Variants in UTRN observed in about 807,000 individuals in gnomAD.
The protein encoded by UTRN is utrophin.
UTRN carries 283 observed loss-of-function variants against 463.9 expected under a neutral mutation model. The observed-to-expected ratio is 0.61, with a 90% CI of 0.55 to 0.67. The LOEUF (loss-of-function observed/expected upper bound fraction) is 0.67. Ranked by LOEUF, UTRN falls within the 30% of genes least tolerant of loss-of-function variation. The pLI is 0.00. For synonymous variants in UTRN, 1,442 were observed against 1,431.5 expected, an observed-to-expected ratio of 1.01 and a Z score of -0.17; for missense variants, 3,922 against 4,084.3, an observed-to-expected ratio of 0.96 and a Z score of 1.08.
At chr6:144,648,265 T>A (rs1288474945) in intron 51 of UTRN, among the ~76,000 whole-genome samples, 1 of 152,196 alleles carries the variant, frequency 6.6e-6, no homozygotes. Context: ...TCATTCATTA[T>A]TTTTCAATTA....
At chr6:144,301,337 T>C (rs962346272) in intron 2 of UTRN, among the ~76,000 whole-genome samples, 14 of 152,076 alleles carry the variant, frequency 9.2e-5, no homozygotes, top group African/African-American at 3.1e-4. Flanking sequence ...GTGTTGTAAA[T>C]TAGAAGAGTG....
chr6:144,780,250 T>A (rs758707971), intron 60 of UTRN, among the ~76,000 whole-genome samples: 3 of 152,198 alleles, frequency 2.0e-5, no homozygotes, highest in Non-Finnish European at 4.4e-5. Flanking sequence ...GTTGGTTTTA[T>A]ATGTATATAA....
At chr6:144,443,709 G>GCTAATTTA (rs1787389088) in intron 13 of UTRN, among the ~76,000 whole-genome samples, 1 of 151,714 alleles carries the variant, frequency 6.6e-6, no homozygotes, top group African/African-American at 2.4e-5. Flanking sequence ...TGTAACTTAT[G>GCTAATTTA]GGGAATTTTT....
At position 144,846,827 on chromosome 6, in the gene UTRN, GGTAAGAGTTAAT is replaced by G; in HGVS notation, c.10293+2_10293+13del. On this transcript the variant is annotated splice_donor_variant and splice_donor_5th_base_variant and intron_variant, in intron 74 of 74. Transcript: ENST00000367545. LOFTEE classifies it high-confidence loss of function. ...CAGCAAATGTTCCCAGCAGGCCACA[GGTAAGAGTTAAT>G]GGCTTGGTTGGCTCTATGTTACTGA... 1 of 1,614,060 alleles carries G rather than the reference GGTAAGAGTTAAT, an allele frequency of 6.2e-7. No individual in the cohort carries two copies. Among genetic ancestry groups the G allele is most frequent in the Non-Finnish European group, 8.5e-7 (1 of 1,179,936 alleles).
intron 41 of UTRN, among the ~76,000 whole-genome samples, chr6:144,525,073 A>C (rs1399815812): frequency 6.6e-6 from 1 of 152,122 alleles, no homozygotes; most frequent in Non-Finnish European, 1.5e-5. Flanking sequence ...TCTTTTTGAT[A>C]TACTATTGGA....
At chr6:144,732,237 TACATATATATATATATATATACAC>T (rs1163085064) in intron 54 of UTRN, among the ~76,000 whole-genome samples, 7 of 87,306 alleles carry the variant, frequency 8.0e-5, no homozygotes, top group African/African-American at 1.1e-4. Flanking sequence ...TATATATATA[TACATATATATATATATATATACAC>T]ACATATATAT....
At chr6:144,296,687 T>C (rs971347373) in intron 2 of UTRN, among the ~76,000 whole-genome samples, 4 of 152,252 alleles carry the variant, frequency 2.6e-5, no homozygotes, top group Admixed American at 2.6e-4. Flanking sequence ...CCATTGCTGC[T>C]CGGTGACTCT....
intron 54 of UTRN, among the ~76,000 whole-genome samples, chr6:144,736,168 GC>G (rs1181245323): frequency 6.6e-6 from 1 of 152,052 alleles, no homozygotes; most frequent in Non-Finnish European, 1.5e-5. Context: ...ATCCATAATA[GC>G]TTTTATACTT....
intron 62 of UTRN, among the ~76,000 whole-genome samples, chr6:144,792,346 G>A (rs1283282493): frequency 4.6e-5 from 7 of 152,156 alleles, no homozygotes; most frequent in Admixed American, 2.0e-4. Flanking sequence ...TCGGGAGTTC[G>A]AGACTAGCCT....
intron 51 of UTRN, among the ~76,000 whole-genome samples, chr6:144,619,144 T>G (rs1775083659): frequency 6.6e-6 from 1 of 152,188 alleles, no homozygotes; most frequent in South Asian, 2.1e-4. Flanking sequence ...AGTAGCATAT[T>G]ATGAATTTGG....
chr6:144,738,187 C>A (rs955451462), intron 54 of UTRN, among the ~76,000 whole-genome samples: 1 of 152,146 alleles, frequency 6.6e-6, no homozygotes, highest in Non-Finnish European at 1.5e-5. Context: ...GCCATCTGGC[C>A]CCTAACTTCC....
At chr6:144,385,369 T>A (rs1284160470) in intron 2 of UTRN, among the ~76,000 whole-genome samples, 1 of 152,242 alleles carries the variant, frequency 6.6e-6, no homozygotes, top group Non-Finnish European at 1.5e-5. Flanking sequence ...ATGCATTTGT[T>A]ACTTTTGTAA....
At chr6:144,814,619 A>C (rs567245215) in intron 65 of UTRN, among the ~76,000 whole-genome samples, 160 of 152,338 alleles carry the variant, frequency 1.1e-3, no homozygotes, top group African/African-American at 3.7e-3. Flanking sequence ...AAAAGAGATA[A>C]GGAACAAAAT....
intron 27 of UTRN, 85 bp downstream of exon 27, chr6:144,482,473 C>T: frequency 1.0e-6 from 1 of 969,022 alleles, no homozygotes; most frequent in Non-Finnish European, 1.3e-6. Context: ...GATCCAAACT[C>T]TGTAATGTTT....
intron 12 of UTRN, 121 bp from the exon 13 acceptor site, chr6:144,440,231 G>T: frequency 1.0e-6 from 1 of 970,868 alleles, no homozygotes; most frequent in Non-Finnish European, 1.6e-6. Context: ...TTAGGGTAAT[G>T]ATTGGAAATT....
chr6:144,805,787 A>G (rs751806807), intron 65 of UTRN, among the ~76,000 whole-genome samples: 6 of 152,180 alleles, frequency 3.9e-5, no homozygotes, highest in Non-Finnish European at 7.4e-5. Context: ...GTACAACTGC[A>G]TAAGTGCAAT....
At position 144,458,825 on chromosome 6, in the gene UTRN, G is replaced by C; in HGVS notation, c.2340G>C (p.Trp780Cys). The C allele has an allele frequency of 6.2e-7, 1 of 1,612,680 alleles. No individual in the cohort carries two copies. The highest frequency in any genetic ancestry group is 8.5e-7 in the Non-Finnish European group (1 of 1,179,704). The change falls in exon 20 of 75, where the codon TGG (tryptophan) becomes TGC (cysteine). Residue 780 changes from tryptophan (W) to cysteine (C), a missense_variant. Physicochemically the swap from Trp to Cys is radical, Grantham distance 215 (BLOSUM62 -2). This residue lies in a region of UTRN where 2,349 missense variants were observed against 2,303.8 expected (regional missense o/e 1.02). Coordinates refer to ENST00000367545, the MANE Select transcript of UTRN (RefSeq NM_007124.3). The part of the protein sequence containing the change: ...KNVLEKVSSE[W>C]KNVSQHLEDL... ...TTCTGGAGAAGGTTTCATCAGAATG[G>C]AAGAATGTATCTCAACATTTGGAAG...
intron 52 of UTRN, among the ~76,000 whole-genome samples, chr6:144,693,372 G>A (rs1398609735): frequency 1.3e-5 from 2 of 152,058 alleles, no homozygotes; most frequent in African/African-American, 4.8e-5. Context: ...CTTGGCTATT[G>A]TGCTCTTTTT....
At chr6:144,559,602 T>C (rs1421079823) in intron 50 of UTRN, among the ~76,000 whole-genome samples, 1 of 152,110 alleles carries the variant, frequency 6.6e-6, no homozygotes, top group Non-Finnish European at 1.5e-5. Context: ...AAAGATAGAA[T>C]TAAGGAACTT....
Sources: allele counts gnomAD v4.1 joint callset (sites outside exome capture counted in the v4.1 genomes callset), GRCh38; gene constraint gnomAD v4.1.1; regional missense constraint gnomAD v4.1.1; transcripts MANE v1.5; gene names NCBI Gene and HGNC (gene_info 2026-07-23, HGNC 2026-07-21).